Variants in WDR72 observed in about 807,000 individuals in gnomAD.
The protein encoded by WDR72 is WD repeat-containing protein 72.
In WDR72, 120 loss-of-function variants were observed where a neutral mutation model predicts 124.2. The ratio of observed to expected loss-of-function variants is 0.97; its 90% CI spans 0.83 to 1.12. WDR72 has a LOEUF of 1.12. Among genes scored for constraint, WDR72 ranks in the 50% most tolerant of loss-of-function variants. WDR72 has a pLI of 0.00. For synonymous variants in WDR72, 452 were observed against 441.7 expected, an observed-to-expected ratio of 1.02 and a Z score of -0.29; for missense variants, 1,387 against 1,278.8, an observed-to-expected ratio of 1.08 and a Z score of -1.29.
intron 18 of WDR72, among the ~76,000 whole-genome samples, chr15:53,593,006 T>C (rs978654274): frequency 6.6e-6 from 1 of 152,086 alleles, no homozygotes; most frequent in Non-Finnish European, 1.5e-5. Context: ...ATAAAATACA[T>C]GCTGTGAAGT....
At chr15:53,762,540 A>G (rs183883274), upstream of WDR72, 4 of 152,390 alleles carry the variant, frequency 2.6e-5, no homozygotes, top group African/African-American at 9.6e-5. Context: ...ATTCCCAGCC[A>G]TCAACTCTTT....
intron 9 of WDR72, among the ~76,000 whole-genome samples, chr15:53,706,365 T>TAC (rs1595863844): frequency 8.3e-5 from 4 of 48,266 alleles, no homozygotes; most frequent in East Asian, 5.2e-4. Context: ...TATATATATA[T>TAC]ATATATATAT....
chr15:53,644,245 CT>C (rs1343873148), intron 14 of WDR72, among the ~76,000 whole-genome samples: 12 of 151,964 alleles, frequency 7.9e-5, no homozygotes, highest in African/African-American at 2.9e-4. Flanking sequence ...ATTTATTTTA[CT>C]GCATCTGTGC....
In WDR72 at chr15:53,733,030, C is replaced by G. The variant is rs781247359; in HGVS notation, c.120G>C (p.Gln40His). 32 of 1,614,070 alleles carry G rather than the reference C, an allele frequency of 2.0e-5. No individual in the cohort carries two copies. Among genetic ancestry groups the G allele is most frequent in the Non-Finnish European group, 2.5e-5 (29 of 1,179,972 alleles). ...RTIVTGSQEG[Q>H]LCLWNLSHEL... ...CATGTGAGAGATTCCAGAGACAGAGCTGACCCTCTTGACTTCCAGTCACAA... is the reference window on the plus strand; with the variant it reads ...CATGTGAGAGATTCCAGAGACAGAGGTGACCCTCTTGACTTCCAGTCACAA... The change falls in exon 2 of 20, where the codon CAG (glutamine) becomes CAC (histidine). Residue 40 changes from glutamine (Q) to histidine (H), a missense_variant. Gln to His is a conservative substitution (Grantham distance 24). Coordinates refer to ENST00000360509, the MANE Select transcript of WDR72 (RefSeq NM_182758.4).
At position 53,711,465 on chromosome 15, in the gene WDR72, T is replaced by C. The variant is rs775859820; in HGVS notation, c.728A>G (p.Asp243Gly). 5.6e-6 allele frequency: 9 copies of C among 1,613,834 alleles called. No homozygotes were observed. The East Asian group carries it at 2.0e-4, about 36-fold the overall frequency. ...AACTTCAGTCAGCAGAAGGGAAAAA[T>C]CACAATAATCATAAACCTAAAATAT... ...SKCWKVYDYC[D>G]FSLLLTEVSR... The change falls in exon 8 of 20, where the codon GAT (aspartate) becomes GGT (glycine). Residue 243 changes from aspartate to glycine, a missense_variant. Coordinates refer to ENST00000360509, the MANE Select transcript of WDR72 (RefSeq NM_182758.4).
chr15:53,722,943 T>G, intron 2 of WDR72, 35 bp from the exon 3 acceptor site: 1 of 1,567,182 alleles, frequency 6.4e-7, no homozygotes, highest in Non-Finnish European at 8.8e-7. Flanking sequence ...TAAATAATTG[T>G]AAACTGTTTG....
At chr15:53,760,921 C>G (rs556284748), upstream of WDR72, among the ~76,000 whole-genome samples, 3 of 152,116 alleles carry the variant, frequency 2.0e-5, no homozygotes, top group South Asian at 2.1e-4. Context: ...GTCAGGAGTT[C>G]GAGACCAGCC....
chr15:53,718,645 G>A (rs2017780276), intron 3 of WDR72, among the ~76,000 whole-genome samples: 1 of 144,790 alleles, frequency 6.9e-6, no homozygotes, highest in Non-Finnish European at 1.5e-5. Flanking sequence ...ACATGAAATT[G>A]AACTATTAAA....
intron 13 of WDR72, among the ~76,000 whole-genome samples, chr15:53,678,285 C>A (rs186467309): frequency 6.6e-6 from 1 of 152,098 alleles, no homozygotes; most frequent in Non-Finnish European, 1.5e-5. Context: ...TGAAGGCTTA[C>A]GAAATAAATG....
intron 14 of WDR72, among the ~76,000 whole-genome samples, chr15:53,648,727 G>T (rs970503692): frequency 4.6e-5 from 7 of 151,766 alleles, no homozygotes; most frequent in African/African-American, 1.7e-4. Flanking sequence ...TTATTAAATT[G>T]AAATCAATAC....
intron 3 of WDR72, among the ~76,000 whole-genome samples, chr15:53,718,327 A>G (rs1413309714): frequency 3.9e-5 from 6 of 152,162 alleles, no homozygotes; most frequent in Admixed American, 3.9e-4. Flanking sequence ...CTGATGGCTG[A>G]CCATGCAGAT....
intron 13 of WDR72, among the ~76,000 whole-genome samples, chr15:53,682,079 C>T (rs2016408691): frequency 6.6e-6 from 1 of 152,122 alleles, no homozygotes; most frequent in Non-Finnish European, 1.5e-5. Context: ...GACAGCCTTT[C>T]AATGTGATAC....
At chr15:53,562,028 T>C (rs927563706) in intron 18 of WDR72, among the ~76,000 whole-genome samples, 1 of 151,850 alleles carries the variant, frequency 6.6e-6, no homozygotes, top group Non-Finnish European at 1.5e-5. Flanking sequence ...ATAACATTAA[T>C]ACATTTTTAT....
chr15:53,750,868 C>T (rs1447661655), intron 1 of WDR72, among the ~76,000 whole-genome samples: 2 of 152,032 alleles, frequency 1.3e-5, no homozygotes, highest in African/African-American at 4.8e-5. Flanking sequence ...GCTACAAGCT[C>T]TTGATAAAAT....
intron 14 of WDR72, among the ~76,000 whole-genome samples, chr15:53,638,515 C>T (rs2014709356): frequency 6.7e-6 from 1 of 149,830 alleles, no homozygotes; most frequent in Non-Finnish European, 1.5e-5. Context: ...GTTATTGGTA[C>T]TTTAACATAT....
chr15:53,706,151 A>G, intron 9 of WDR72, 77 bp from the exon 10 acceptor site: 3 of 1,435,122 alleles, frequency 2.1e-6, no homozygotes, highest in Admixed American at 1.8e-5. Flanking sequence ...ATGGAGAAAC[A>G]AGACTTAATA....
At chr15:53,657,679 G>C (rs2015476486) in intron 14 of WDR72, among the ~76,000 whole-genome samples, 1 of 152,094 alleles carries the variant, frequency 6.6e-6, no homozygotes, top group Admixed American at 6.6e-5. Context: ...GCTAAGTTTA[G>C]TACTAAATAA....
At chr15:53,674,428 A>C in intron 13 of WDR72, among the ~76,000 whole-genome samples, 1 of 152,182 alleles carries the variant, frequency 6.6e-6, no homozygotes, top group Non-Finnish European at 1.5e-5. Context: ...AGATCGACCT[A>C]GCACCCCCTT....
At chr15:53,582,930 T>C (rs1318692086) in intron 18 of WDR72, among the ~76,000 whole-genome samples, 1 of 152,006 alleles carries the variant, frequency 6.6e-6, no homozygotes, top group Non-Finnish European at 1.5e-5. Flanking sequence ...TACTTTAAAA[T>C]GAACCACTGG....
Sources: allele counts gnomAD v4.1 joint callset (sites outside exome capture counted in the v4.1 genomes callset), GRCh38; gene constraint gnomAD v4.1.1; transcripts MANE v1.5; gene names NCBI Gene and HGNC (gene_info 2026-07-23, HGNC 2026-07-21).